Variants in ABCC8 observed in about 807,000 individuals in gnomAD.
ABCC8 encodes the protein ATP-binding cassette sub-family C member 8.
Under a neutral mutation model 188.0 loss-of-function variants are expected in ABCC8, and 137 were observed. The ratio of observed to expected loss-of-function variants is 0.73; its 90% CI spans 0.63 to 0.84. The LOEUF (loss-of-function observed/expected upper bound fraction) is 0.84, where lower values mean the gene tolerates loss of function less well. Among genes scored for constraint, ABCC8 ranks in the 40% least tolerant of loss-of-function variants. The pLI is 0.00. For synonymous variants in ABCC8, 797 were observed against 846.5 expected, an observed-to-expected ratio of 0.94 and a Z score of 1.01; for missense variants, 1,750 against 2,072.7, an observed-to-expected ratio of 0.84 and a Z score of 3.02.
chr11:17,470,799 C>G (rs1275330627), intron 2 of ABCC8, among the ~76,000 whole-genome samples: 1 of 152,200 alleles, frequency 6.6e-6, no homozygotes, highest in Non-Finnish European at 1.5e-5. Flanking sequence ...GCAGTCAATA[C>G]CAGCTCATAG....
chr11:17,461,028 C>T (rs538959805), intron 5 of ABCC8: 63 of 380,166 alleles, frequency 1.7e-4, no homozygotes, highest in South Asian at 9.6e-4. Flanking sequence ...TGCCCTGGTG[C>T]GAGGGCAGAG....
rs80356634 is a variant in ABCC8 at position 17,474,961 on chromosome 11, T to C, written c.215A>G (p.Asn72Ser). ...HSTWLHFPGH[N>S]LRWILTFMLL... is the part of the protein sequence containing the mutation. ...CATGAAGGTCAGGATCCACCGCAGG[T>C]TGTGCCCAGGGAAATGAAGCCATGT... Residue 72 changes from asparagine (N) to serine (S), a missense_variant, in exon 2 of 39, where the codon AAC becomes AGC. By Grantham distance (46) the Asn-to-Ser change is conservative (BLOSUM62 1). Coordinates refer to ENST00000389817, the MANE Select transcript of ABCC8 (RefSeq NM_000352.6). The C allele has an allele frequency of 6.2e-7, 1 of 1,614,126 alleles. No individual in the cohort carries two copies. The highest frequency in any genetic ancestry group is 1.7e-5 in the Admixed American group (1 of 60,006).
At chr11:17,466,802 A>T (rs954185910) in intron 3 of ABCC8, among the ~76,000 whole-genome samples, 4 of 151,988 alleles carry the variant, frequency 2.6e-5, no homozygotes, top group African/African-American at 9.7e-5. Flanking sequence ...AGTAGCTGGA[A>T]CTACAGGTGT....
chr11:17,448,722 C>G, intron 7 of ABCC8, 51 bp from the exon 8 acceptor site: 1 of 1,613,410 alleles, frequency 6.2e-7, no homozygotes, highest in African/African-American at 1.3e-5. Context: ...TCATCATCAT[C>G]ACCACACCAG....
intron 10 of ABCC8, chr11:17,435,680 C>T (rs1217614746): frequency 2.7e-5 from 38 of 1,395,660 alleles, no homozygotes; most frequent in Non-Finnish European, 3.8e-5. Flanking sequence ...CTTCACATGG[C>T]TGCCAGCCCT....
chr11:17,458,412 G>A (rs1017462326), intron 6 of ABCC8, among the ~76,000 whole-genome samples: 9 of 152,234 alleles, frequency 5.9e-5, no homozygotes, highest in Non-Finnish European at 1.2e-4. Context: ...TCTTTGGCAC[G>A]TCCTGCCTCA....
chr11:17,426,394 G>A (rs1355444140), intron 16 of ABCC8, among the ~76,000 whole-genome samples: 1 of 152,140 alleles, frequency 6.6e-6, no homozygotes, highest in Non-Finnish European at 1.5e-5. Flanking sequence ...GGTGTGAGAT[G>A]GTATCTCATT....
intron 1 of ABCC8, among the ~76,000 whole-genome samples, chr11:17,476,083 T>G (rs1848753811): frequency 1.3e-5 from 2 of 152,156 alleles, no homozygotes; most frequent in Admixed American, 1.3e-4. Context: ...AGCTCTCGCC[T>G]CTCCTCGCCC....
chr11:17,424,814 G>C (rs2133521437), intron 16 of ABCC8, among the ~76,000 whole-genome samples: 1 of 152,254 alleles, frequency 6.6e-6, no homozygotes, highest in South Asian at 2.1e-4. Flanking sequence ...AAAGAACATG[G>C]GCAGAGTCTC....
At chr11:17,459,781 C>G (rs1957119183) in intron 6 of ABCC8, among the ~76,000 whole-genome samples, 1 of 152,166 alleles carries the variant, frequency 6.6e-6, no homozygotes, top group African/African-American at 2.4e-5. Context: ...TGCTACGGCC[C>G]CACGCAGGGC....
chr11:17,463,504 G>C lies in ABCC8; in HGVS notation c.513C>G (p.Leu171=). The C allele has an allele frequency of 6.2e-7, 1 of 1,603,202 alleles. No homozygotes were observed. Among genetic ancestry groups the C allele is most frequent in the Non-Finnish European group, 8.5e-7 (1 of 1,175,210 alleles). ...AIGFSQLRFC[L]TGLLVILYGM... ...CATAGAGGATCACCAGCAGCCCTGT[G>C]AGGCAGAAGCGTAGCTGCGAGAAGC... The change falls in exon 4 of 39, where the codon CTC becomes CTG. Residue 171 remains leucine (L), a synonymous_variant. Transcript: ENST00000389817.
At position 17,476,510 on chromosome 11, in the gene ABCC8, G is replaced by A. The variant is rs77889556; in HGVS notation, c.148+119C>T. On this transcript the variant is annotated intron_variant, in intron 1 of 38. Coordinates refer to ENST00000389817, the MANE Select transcript of ABCC8 (RefSeq NM_000352.6). ...CAGGACACAGGGCAGGGGACCCCGG[G>A]AACGAGGCGGACGGCGGTCGCGGGC... 0.16 allele frequency: 204,571 copies of A among 1,294,212 alleles called. 17,655 individuals carry two copies. Among genetic ancestry groups the A allele is most frequent in the Admixed American group, 0.21 (9,640 of 46,034 alleles). The allele number at this position is 1,294,212 out of a possible 1,614,324, so 80.2% of individuals were successfully genotyped here. A position where few individuals can be genotyped will look rare whatever the true frequency, so the allele number is the denominator to read the frequency against.
intron 2 of ABCC8, among the ~76,000 whole-genome samples, chr11:17,472,178 G>T (rs1195353394): frequency 2.6e-5 from 4 of 152,150 alleles, no homozygotes; most frequent in Admixed American, 2.6e-4. Context: ...AACCATAATT[G>T]AACTAAATAT....
Position 17,404,850 on chromosome 11 carries a change from C to A in ABCC8, c.3400-181G>T. 10 of 518,906 alleles carry A rather than the reference C, an allele frequency of 1.9e-5. No individual in the cohort carries two copies. The highest frequency in any genetic ancestry group is 2.2e-5 in the Non-Finnish European group (9 of 403,622). 32.1% of individuals were successfully genotyped at this position (518,906 alleles called of 1,614,324 possible). On this transcript the variant is annotated intron_variant, in intron 27 of 38. Transcript: ENST00000389817. The surrounding 1 kb of genome is among the most constrained non-coding windows in gnomAD (Gnocchi z 4.7). ...AATCTCGGTTCACGGCAGCCTCTGC[C>A]CCTTGGGTTCAAATGATTCTCCTGC...
chr11:17,470,472 T>A (rs142378629), intron 2 of ABCC8, among the ~76,000 whole-genome samples: 9 of 151,924 alleles, frequency 5.9e-5, no homozygotes, highest in African/African-American at 2.2e-4. Flanking sequence ...GTTGCTGGGG[T>A]CTCTTGAACA....
At chr11:17,395,819 G>C in intron 34 of ABCC8, 33 bp downstream of exon 34, 1 of 1,559,102 alleles carries the variant, frequency 6.4e-7, no homozygotes, top group Non-Finnish European at 8.7e-7. Context: ...TGGTGGCTGT[G>C]GGTACACGTG....
At chr11:17,405,105 G>C (rs1324220702) in intron 27 of ABCC8, among the ~76,000 whole-genome samples, 1 of 152,158 alleles carries the variant, frequency 6.6e-6, no homozygotes, top group Non-Finnish European at 1.5e-5. Context: ...CATCTCTCCA[G>C]CTACAAGGTA....
intron 12 of ABCC8, chr11:17,430,455 G>A (rs1032240865): frequency 1.6e-5 from 6 of 368,666 alleles, no homozygotes; most frequent in African/African-American, 1.3e-4. Context: ...AGCCACGTGG[G>A]GACGGGATGG....
chr11:17,449,513 C>T (rs1028883535), intron 7 of ABCC8, among the ~76,000 whole-genome samples: 1 of 152,226 alleles, frequency 6.6e-6, no homozygotes, highest in Non-Finnish European at 1.5e-5. Flanking sequence ...ACCCCAAGGA[C>T]CCTCACAGGG....
Sources: allele counts gnomAD v4.1 joint callset (sites outside exome capture counted in the v4.1 genomes callset), GRCh38; gene constraint gnomAD v4.1.1; non-coding constraint Gnocchi (gnomAD v3.1); transcripts MANE v1.5; gene names NCBI Gene and HGNC (gene_info 2026-07-23, HGNC 2026-07-21).